The following LINGO2 variants were observed in gnomAD, a reference collection of about 807,000 sequenced individuals.
LINGO2 encodes leucine rich repeat and Ig domain containing 2.
Under a neutral mutation model 30.6 loss-of-function variants are expected in LINGO2, and 14 were observed. That is an observed-to-expected ratio of 0.46 (90% CI 0.30 to 0.72). LINGO2 has a LOEUF of 0.72. Ranked by LOEUF, LINGO2 falls within the 30% of genes least tolerant of loss-of-function variation. The pLI, the probability that LINGO2 is intolerant of heterozygous loss-of-function variation, is 0.07. For synonymous variants in LINGO2, 317 were observed against 288.5 expected (o/e 1.10, Z -1.00); for missense variants, 729 against 751.7 (o/e 0.97, Z 0.35).
At chr9:28,708,898 AGATT>A in the LINGO2 span, among the ~76,000 whole-genome samples, 1 of 152,128 alleles carries the variant, frequency 6.6e-6, no homozygotes, top group African/African-American at 2.4e-5. Flanking sequence ...GATCTATAAT[AGATT>A]ATTTATGTTT....
intron 1 of LINGO2, among the ~76,000 whole-genome samples, chr9:28,561,941 T>C (rs1823109922): frequency 6.6e-6 from 1 of 151,438 alleles, no homozygotes. Flanking sequence ...TCTCTGCTTT[T>C]CAATTTGTAC....
chr9:28,104,106 A>C (rs568829543), intron 4 of LINGO2, among the ~76,000 whole-genome samples: 1 of 152,122 alleles, frequency 6.6e-6, no homozygotes, highest in East Asian at 1.9e-4. Context: ...AGCACATATT[A>C]TGTACAGAAA....
At chr9:29,167,276 G>C in the LINGO2 span, among the ~76,000 whole-genome samples, 3 of 152,046 alleles carry the variant, frequency 2.0e-5, no homozygotes, top group Non-Finnish European at 2.9e-5. Flanking sequence ...TCTGTGAAAA[G>C]AATCTTTTAT....
At chr9:28,672,955 A>G (rs1025173976), upstream of LINGO2, among the ~76,000 whole-genome samples, 2 of 152,182 alleles carry the variant, frequency 1.3e-5, no homozygotes, top group Admixed American at 6.6e-5. Context: ...AGTAAAGAGT[A>G]TGAATGCAAA....
chr9:28,898,730 CA>C, the LINGO2 span, among the ~76,000 whole-genome samples: 1 of 151,976 alleles, frequency 6.6e-6, no homozygotes, highest in Non-Finnish European at 1.5e-5. Context: ...AATGAGAACA[CA>C]GACACAAAGA....
intron 5 of LINGO2, among the ~76,000 whole-genome samples, chr9:27,955,274 G>C (rs990311182): frequency 3.3e-5 from 5 of 152,092 alleles, no homozygotes; most frequent in African/African-American, 1.2e-4. Flanking sequence ...CTCATAGAAG[G>C]TGGACTTTTA....
At chr9:28,661,406 C>T (rs1296318555) in intron 1 of LINGO2, among the ~76,000 whole-genome samples, 8 of 152,090 alleles carry the variant, frequency 5.3e-5, no homozygotes, top group African/African-American at 1.7e-4. Context: ...AGGTACAATA[C>T]TGAATCTAGG....
At chr9:28,678,542 C>T in the LINGO2 span, among the ~76,000 whole-genome samples, 10,945 of 152,144 alleles carry the variant, frequency 0.072, 559 homozygotes, top group Admixed American at 0.19. Flanking sequence ...GAGTGCATCG[C>T]TTGCTAGACT....
chr9:28,960,858 C>A, the LINGO2 span, among the ~76,000 whole-genome samples: 1 of 151,392 alleles, frequency 6.6e-6, no homozygotes, highest in African/African-American at 2.4e-5. Context: ...TTTATTAATT[C>A]ATTTGTTCAT....
intron 1 of LINGO2, among the ~76,000 whole-genome samples, chr9:28,597,591 A>C (rs1057363065): frequency 6.6e-6 from 1 of 152,190 alleles, no homozygotes. Context: ...TATCAGATGC[A>C]GCTATTTATC....
intron 3 of LINGO2, among the ~76,000 whole-genome samples, chr9:28,350,367 A>T (rs1163757576): frequency 3.4e-5 from 5 of 147,708 alleles, no homozygotes; most frequent in Middle Eastern, 3.4e-3. Context: ...CTGATAAAAC[A>T]GACTTTAAAG....
At chr9:29,183,782 T>C in the LINGO2 span, among the ~76,000 whole-genome samples, 1 of 151,328 alleles carries the variant, frequency 6.6e-6, no homozygotes. Flanking sequence ...TTTGAGATGC[T>C]ACACAAAGAT....
At chr9:27,965,273 AT>A (rs1221069751) in intron 5 of LINGO2, among the ~76,000 whole-genome samples, 16 of 150,742 alleles carry the variant, frequency 1.1e-4, no homozygotes, top group Admixed American at 5.3e-4. Context: ...GACTCTCAGT[AT>A]TTTTTTTTCA....
chr9:28,767,109 G>A, the LINGO2 span, among the ~76,000 whole-genome samples: 4 of 151,248 alleles, frequency 2.6e-5, no homozygotes, highest in South Asian at 2.1e-4. Context: ...ATGGAGAGAC[G>A]TAGGTCAAAG....
intron 4 of LINGO2, among the ~76,000 whole-genome samples, chr9:28,050,515 G>T (rs1442046878): frequency 6.6e-6 from 1 of 150,874 alleles, no homozygotes; most frequent in Non-Finnish European, 1.5e-5. Flanking sequence ...AATACTACAA[G>T]AGTAACGGCA....
chr9:28,914,512 G>T, the LINGO2 span, among the ~76,000 whole-genome samples: 11 of 152,174 alleles, frequency 7.2e-5, no homozygotes, highest in South Asian at 2.3e-3. Context: ...ATCAATATTA[G>T]CTTGAGACAA....
chr9:28,001,014 C>T lies in LINGO2; in HGVS notation c.-36+11341G>A, dbSNP rs1821923178. Among the ~76,000 whole-genome samples the T allele has an allele frequency of 2.0e-5, 3 of 152,326 alleles. No homozygotes were observed. In the South Asian group the frequency reaches 6.2e-4, roughly 32 times the overall value. On this transcript the variant is annotated intron_variant, in intron 5 of 5. Coordinates refer to ENST00000379992, the Ensembl canonical transcript of LINGO2. ...CAAAATATTTTCGACTAATTGATTA[C>T]TACTTAACAAATCAATCCTTCTTAT...
intron 4 of LINGO2, among the ~76,000 whole-genome samples, chr9:28,194,096 G>A (rs10968376): frequency 0.077 from 11,782 of 152,144 alleles, 664 homozygotes; most frequent in East Asian, 0.2. Flanking sequence ...GAGGACACAG[G>A]CTCCACCTTT....
intron 1 of LINGO2, among the ~76,000 whole-genome samples, chr9:28,540,211 T>G (rs2090871): frequency 0.015 from 2,319 of 152,102 alleles, 49 homozygotes; most frequent in East Asian, 0.094. Context: ...TATACCATTT[T>G]TCAGTTCATT....
Sources: allele counts gnomAD v4.1 joint callset (sites outside exome capture counted in the v4.1 genomes callset), GRCh38; gene constraint gnomAD v4.1.1; transcripts MANE v1.5; gene names NCBI Gene and HGNC (gene_info 2026-07-23, HGNC 2026-07-21).